The following MTDH variants were observed in gnomAD, a reference collection of about 807,000 sequenced individuals.
MTDH encodes metadherin.
MTDH carries 34 observed loss-of-function variants against 72.7 expected under a neutral mutation model. That is an observed-to-expected ratio of 0.47 (90% CI 0.36 to 0.62). The LOEUF (loss-of-function observed/expected upper bound fraction) is 0.62. Ranked by LOEUF, MTDH falls within the 20% of genes least tolerant of loss-of-function variation. The pLI, the probability that MTDH is intolerant of heterozygous loss-of-function variation, is 0.00. For synonymous variants in MTDH, 266 were observed against 268.9 expected (o/e 0.99, Z 0.10); for missense variants, 677 against 699.4 (o/e 0.97, Z 0.36).
chr8:97,690,801 C>T, intron 5 of MTDH, 151 bp from the exon 6 acceptor site: 1 of 607,018 alleles, frequency 1.6e-6, no homozygotes, highest in Non-Finnish European at 2.8e-6. Context: ...TTCAAGCCTC[C>T]TGTTTTTAAA....
At chr8:97,659,137 C>T (rs939035328) in intron 1 of MTDH, among the ~76,000 whole-genome samples, 11 of 138,026 alleles carry the variant, frequency 8.0e-5, no homozygotes, top group Non-Finnish European at 8.9e-5. Flanking sequence ...AGCGAGACTG[C>T]GTCTCAAAAA....
chr8:97,708,586 T>C (rs1200152605), intron 8 of MTDH, among the ~76,000 whole-genome samples: 1 of 23,724 alleles, frequency 4.2e-5, no homozygotes, highest in Non-Finnish European at 6.9e-5. Flanking sequence ...CAGGCCTTTT[T>C]TTTTTTTTTT....
chr8:97,674,002 T>C (rs780392823), intron 2 of MTDH, among the ~76,000 whole-genome samples: 4 of 151,212 alleles, frequency 2.6e-5, no homozygotes, highest in Non-Finnish European at 5.9e-5. Flanking sequence ...AAAAAATTTT[T>C]TTAATTAGCC....
intron 1 of MTDH, among the ~76,000 whole-genome samples, chr8:97,656,737 C>G (rs1252027063): frequency 6.6e-6 from 1 of 151,714 alleles, no homozygotes; most frequent in Non-Finnish European, 1.5e-5. Context: ...CGGTGGCTCA[C>G]ACCCATAATC....
At chr8:97,697,457 C>G (rs1455435232) in intron 6 of MTDH, among the ~76,000 whole-genome samples, 3 of 140,230 alleles carry the variant, frequency 2.1e-5, no homozygotes, top group Admixed American at 7.6e-5. Flanking sequence ...GCAATCTCGG[C>G]TCACGGCAAC....
intron 6 of MTDH, among the ~76,000 whole-genome samples, chr8:97,694,034 C>G (rs111916136): frequency 3.1e-4 from 47 of 152,142 alleles, no homozygotes; most frequent in African/African-American, 1.0e-3. Context: ...TTTTTTAAAT[C>G]TAGTTATACT....
Position 97,670,952 on chromosome 8 carries a change from G to T in MTDH, c.483+9779G>T, listed in dbSNP as rs1317132040. ...TTTTGTTTTTTTTGTTGTTGTTGTT[G>T]TTTTTTTTTTTTTTTTTTTTTTTTG... On this transcript the variant is annotated intron_variant, in intron 2 of 11. Transcript: ENST00000336273. Among the ~76,000 whole-genome samples, 122 of 78,020 alleles carry T rather than the reference G, an allele frequency of 1.6e-3. 1 individual carries two copies. Among genetic ancestry groups the T allele is most frequent in the East Asian group, 5.7e-3 (12 of 2,088 alleles). 51.2% of individuals were successfully genotyped at this position (78,020 alleles called of 152,430 possible).
At chr8:97,668,436 G>T (rs937280543) in intron 2 of MTDH, among the ~76,000 whole-genome samples, 2 of 152,032 alleles carry the variant, frequency 1.3e-5, no homozygotes, top group Non-Finnish European at 2.9e-5. Flanking sequence ...ATCTCCTGAG[G>T]GCTGTGTCAT....
chr8:97,666,908 G>A (rs941727472), intron 2 of MTDH, among the ~76,000 whole-genome samples: 2 of 152,136 alleles, frequency 1.3e-5, no homozygotes, highest in African/African-American at 4.8e-5. Context: ...TGTTGGCCAG[G>A]CTGGTCTTGA....
chr8:97,700,472 A>T (rs1814070092), intron 7 of MTDH, among the ~76,000 whole-genome samples: 1 of 152,028 alleles, frequency 6.6e-6, no homozygotes, highest in African/African-American at 2.4e-5. Context: ...GTTTTCCACC[A>T]TTTTTAAGCA....
intron 2 of MTDH, among the ~76,000 whole-genome samples, chr8:97,685,400 T>A (rs1813319446): frequency 6.6e-6 from 1 of 152,228 alleles, no homozygotes; most frequent in Non-Finnish European, 1.5e-5. Flanking sequence ...TCACTTTGAA[T>A]AGATCATGTC....
intron 8 of MTDH, among the ~76,000 whole-genome samples, chr8:97,711,167 T>C (rs1814615331): frequency 1.3e-5 from 2 of 151,746 alleles, no homozygotes; most frequent in South Asian, 4.2e-4. Flanking sequence ...ATTAAACCTT[T>C]TATTTTGAGA....
chr8:97,687,340 T>G, intron 3 of MTDH, 89 bp from the exon 4 acceptor site: 1 of 1,074,226 alleles, frequency 9.3e-7, no homozygotes, highest in Non-Finnish European at 1.3e-6. Flanking sequence ...CATGATATTT[T>G]ATGTGCTCCA....
At chr8:97,686,039 A>T (rs931881329) in intron 2 of MTDH, among the ~76,000 whole-genome samples, 4 of 152,224 alleles carry the variant, frequency 2.6e-5, no homozygotes, top group Admixed American at 2.6e-4. Flanking sequence ...AAACATCTGT[A>T]TACAAATCCT....
intron 7 of MTDH, among the ~76,000 whole-genome samples, chr8:97,702,438 A>G (rs1266695417): frequency 3.3e-5 from 5 of 152,176 alleles, no homozygotes; most frequent in Non-Finnish European, 5.9e-5. Flanking sequence ...CCCAAACAGT[A>G]CGGCTGAGAA....
chr8:97,648,265 C>G (rs915305063), intron 1 of MTDH, among the ~76,000 whole-genome samples: 3 of 150,562 alleles, frequency 2.0e-5, no homozygotes, highest in Non-Finnish European at 4.4e-5. Context: ...TTTTTCTTTT[C>G]CCCCCCACCC....
chr8:97,672,228 G>A (rs1029213815), intron 2 of MTDH, among the ~76,000 whole-genome samples: 1 of 152,190 alleles, frequency 6.6e-6, no homozygotes, highest in African/African-American at 2.4e-5. Flanking sequence ...TAGCAGTGGA[G>A]TTGGATAGTT....
At chr8:97,689,650 A>G (rs1018100388) in intron 5 of MTDH, among the ~76,000 whole-genome samples, 3 of 152,008 alleles carry the variant, frequency 2.0e-5, no homozygotes, top group African/African-American at 7.2e-5. Flanking sequence ...CTGAAAACAA[A>G]AGTGTTGTAG....
intron 1 of MTDH, among the ~76,000 whole-genome samples, chr8:97,659,156 A>C (rs1812087065): frequency 6.6e-6 from 1 of 150,666 alleles, no homozygotes; most frequent in Non-Finnish European, 1.5e-5. Flanking sequence ...AAAAAAAAAA[A>C]TGATGATATT....
Sources: gnomAD v4.1 joint callset for allele counts (sites outside exome capture counted in the v4.1 genomes callset) on GRCh38, gnomAD v4.1.1 for gene constraint, MANE v1.5 for transcripts, NCBI Gene and HGNC (gene_info 2026-07-23, HGNC 2026-07-21) for gene names.